TAS2R1: variants seen among roughly 807,000 people sequenced by gnomAD.
The protein encoded by TAS2R1 is taste receptor type 2 member 1.
For missense variants in TAS2R1, 370 were observed against 353.4 expected (o/e 1.05, Z -0.38); for synonymous variants, 141 against 134.2 (o/e 1.05, Z -0.35).
the TAS2R1 span, among the ~76,000 whole-genome samples, chr5:9,892,255 G>A: frequency 6.6e-6 from 1 of 152,306 alleles, no homozygotes; most frequent in African/African-American, 2.4e-5. Context: ...ATTCTGATCT[G>A]AGTACGCTGG....
intron 1 of TAS2R1, among the ~76,000 whole-genome samples, chr5:9,660,565 C>CA (rs957735522): frequency 1.3e-5 from 2 of 152,098 alleles, no homozygotes; most frequent in African/African-American, 4.8e-5. Flanking sequence ...CCCATGCATC[C>CA]AAACATCCTG....
chr5:9,782,674 G>C, the TAS2R1 span, among the ~76,000 whole-genome samples: 1 of 152,162 alleles, frequency 6.6e-6, no homozygotes, highest in African/African-American at 2.4e-5. Flanking sequence ...ACTAAGAGTC[G>C]TGCATGCAAG....
the TAS2R1 span, among the ~76,000 whole-genome samples, chr5:9,855,180 A>G: frequency 6.6e-6 from 1 of 152,160 alleles, no homozygotes; most frequent in East Asian, 1.9e-4. Flanking sequence ...AGTCCCTCAC[A>G]TAGGAAACTT....
chr5:9,886,221 G>A, the TAS2R1 span, among the ~76,000 whole-genome samples: 10 of 151,996 alleles, frequency 6.6e-5, no homozygotes, highest in Non-Finnish European at 1.3e-4. Context: ...TAGTAGAGAC[G>A]GGGTTTCACC....
the TAS2R1 span, among the ~76,000 whole-genome samples, chr5:9,808,141 A>C: frequency 6.6e-6 from 1 of 152,220 alleles, no homozygotes; most frequent in East Asian, 1.9e-4. Flanking sequence ...TCAGAAAGAA[A>C]AGAAGAAATC....
the TAS2R1 span, among the ~76,000 whole-genome samples, chr5:9,874,451 G>A: frequency 1.5e-5 from 2 of 130,652 alleles, no homozygotes; most frequent in African/African-American, 5.7e-5. Flanking sequence ...AGAAATTCCT[G>A]CATTATTCTT....
rs114600856 is a variant in TAS2R1 at position 9,650,912 on chromosome 5, G to T, written c.-81+8509C>A. On this transcript the variant is annotated intron_variant, in intron 2 of 2. Transcript: ENST00000506620. ...TGGTGGGTGCTCACAAATTTTTATG[G>T]AATGAATGTATAATTAAATGTTTAA... Among the ~76,000 whole-genome samples, 1,330 of 152,246 alleles carry T rather than the reference G, an allele frequency of 8.7e-3. 27 individuals are homozygous for T. Among genetic ancestry groups the T allele is most frequent in the African/African-American group, 0.031 (1,267 of 41,522 alleles).
At chr5:9,840,573 G>T in the TAS2R1 span, among the ~76,000 whole-genome samples, 1 of 151,922 alleles carries the variant, frequency 6.6e-6, no homozygotes, top group African/African-American at 2.4e-5. Flanking sequence ...TTGAATTGTT[G>T]TCATGCATTT....
chr5:9,632,509 G>T (rs1431749330), upstream of TAS2R1, among the ~76,000 whole-genome samples: 1 of 152,182 alleles, frequency 6.6e-6, no homozygotes, highest in African/African-American at 2.4e-5. Flanking sequence ...GATGCTGTCT[G>T]ACAGCATTTT....
At chr5:9,725,607 C>A in the TAS2R1 span, among the ~76,000 whole-genome samples, 2 of 152,184 alleles carry the variant, frequency 1.3e-5, no homozygotes, top group Non-Finnish European at 2.9e-5. Flanking sequence ...CGCCCCTCCC[C>A]CATCCGCCCC....
At chr5:9,768,311 A>G in the TAS2R1 span, among the ~76,000 whole-genome samples, 1 of 152,086 alleles carries the variant, frequency 6.6e-6, no homozygotes, top group Admixed American at 6.6e-5. Context: ...GCTCTGTTTC[A>G]TTGTATTCAC....
intron 1 of TAS2R1, among the ~76,000 whole-genome samples, chr5:9,675,736 T>A (rs1740861736): frequency 1.3e-5 from 2 of 151,948 alleles, no homozygotes; most frequent in Admixed American, 1.3e-4. Flanking sequence ...TTCTAACAGG[T>A]TTTTCTTGTG....
chr5:9,895,207 G>A, the TAS2R1 span, among the ~76,000 whole-genome samples: 4 of 152,348 alleles, frequency 2.6e-5, no homozygotes, highest in East Asian at 7.7e-4. Flanking sequence ...GGCTTCTGCA[G>A]AAGAGCTGGG....
chr5:9,649,830 T>A (rs1182034051), intron 2 of TAS2R1, among the ~76,000 whole-genome samples: 1 of 152,198 alleles, frequency 6.6e-6, no homozygotes, highest in African/African-American at 2.4e-5. Flanking sequence ...TGAGTTAATA[T>A]CTGTCATTTG....
the TAS2R1 span, among the ~76,000 whole-genome samples, chr5:9,746,666 A>C: frequency 1.4e-4 from 22 of 152,224 alleles, no homozygotes; most frequent in African/African-American, 4.8e-4. Context: ...TAACACAGTA[A>C]CAGAAAACCA....
intron 1 of TAS2R1, among the ~76,000 whole-genome samples, chr5:9,693,103 T>C (rs969888469): frequency 6.6e-6 from 1 of 152,126 alleles, no homozygotes; most frequent in African/African-American, 2.4e-5. Flanking sequence ...TCCACAGAGA[T>C]TGACAGGTGC....
the TAS2R1 span, among the ~76,000 whole-genome samples, chr5:9,864,219 T>C: frequency 6.6e-6 from 1 of 152,092 alleles, no homozygotes; most frequent in Non-Finnish European, 1.5e-5. Context: ...TGTGCCTGAG[T>C]GTGGTCTACC....
At chr5:9,810,920 C>T in the TAS2R1 span, among the ~76,000 whole-genome samples, 2 of 152,268 alleles carry the variant, frequency 1.3e-5, no homozygotes, top group African/African-American at 4.8e-5. Context: ...TCTATACCAG[C>T]ACTTTACCCA....
chr5:9,810,270 G>A, the TAS2R1 span, among the ~76,000 whole-genome samples: 23 of 152,146 alleles, frequency 1.5e-4, no homozygotes, highest in African/African-American at 4.8e-4. Flanking sequence ...ACTTGACCTC[G>A]CATTAGCATT....
Sources: gnomAD v4.1 joint callset for allele counts (sites outside exome capture counted in the v4.1 genomes callset) on GRCh38, gnomAD v4.1.1 for gene constraint, MANE v1.5 for transcripts, NCBI Gene and HGNC (gene_info 2026-07-23, HGNC 2026-07-21) for gene names.